The following CCDC171 variants were observed in gnomAD, a reference collection of about 807,000 sequenced individuals.
The protein encoded by CCDC171 is coiled-coil domain containing 171, also known as coiled-coil domain-containing protein 171.
A neutral mutation model predicts 168.2 loss-of-function variants in CCDC171; 177 were observed. That is an observed-to-expected ratio of 1.05 (90% CI 0.93 to 1.19). The LOEUF is 1.19. Ranked by LOEUF, CCDC171 falls within the 50% of genes most tolerant of loss-of-function variation. The pLI, the probability that CCDC171 is intolerant of heterozygous loss-of-function variation, is 0.00. For missense variants in CCDC171, 1,991 were observed against 1,539.0 expected (o/e 1.29, Z -4.91); for synonymous variants, 687 against 540.8 (o/e 1.27, Z -3.75).
intron 9 of CCDC171, among the ~76,000 whole-genome samples, chr9:15,670,664 T>C (rs1336219365): frequency 6.6e-6 from 1 of 152,200 alleles, no homozygotes; most frequent in Non-Finnish European, 1.5e-5. Flanking sequence ...CATAGAGTTA[T>C]ATTTTTGGGT....
At position 15,622,596 on chromosome 9, in the gene CCDC171, G is replaced by T. The variant is rs77127831; in HGVS notation, c.676-671G>T. On this transcript the variant is annotated intron_variant, in intron 6 of 25. Transcript: ENST00000380701. Reference sequence around the variant, plus strand: ...CAACAATGAATCTAGATTAGTTACTGTGGAGAATGCCTTTGATATTTGTGT... The same window carrying T: ...CAACAATGAATCTAGATTAGTTACTTTGGAGAATGCCTTTGATATTTGTGT... Among the ~76,000 whole-genome samples the T allele has an allele frequency of 1.4e-3, 213 of 152,296 alleles. 1 individual carries two copies. Among genetic ancestry groups the T allele is most frequent in the African/African-American group, 4.4e-3 (182 of 41,560 alleles).
intron 24 of CCDC171, among the ~76,000 whole-genome samples, chr9:15,901,451 GTA>G (rs1282298414): frequency 6.6e-6 from 1 of 152,180 alleles, no homozygotes; most frequent in Non-Finnish European, 1.5e-5. Flanking sequence ...GGCAGAGCAT[GTA>G]TGGGAACTCT....
chr9:15,975,921 C>T (rs1331841717), downstream of CCDC171, among the ~76,000 whole-genome samples: 3 of 151,994 alleles, frequency 2.0e-5, no homozygotes, highest in African/African-American at 7.3e-5. Context: ...TGGGTGTGCT[C>T]TAAATGCAAT....
intron 21 of CCDC171, among the ~76,000 whole-genome samples, chr9:15,794,339 C>T (rs150109338): frequency 0.013 from 1,905 of 152,112 alleles, 48 homozygotes; most frequent in African/African-American, 0.043. Context: ...TTGGTGGGCA[C>T]CTGCAATCCC....
intron 6 of CCDC171, among the ~76,000 whole-genome samples, chr9:15,618,820 C>G (rs2044289318): frequency 6.6e-6 from 1 of 151,966 alleles, no homozygotes; most frequent in Non-Finnish European, 1.5e-5. Flanking sequence ...CTTCTGCTTG[C>G]TCTCCGTGGG....
chr9:15,974,351 C>T (rs934255521), downstream of CCDC171, among the ~76,000 whole-genome samples: 5 of 152,162 alleles, frequency 3.3e-5, no homozygotes, highest in Admixed American at 6.5e-5. Flanking sequence ...CCAATTGCTG[C>T]ATATTTGAGA....
chr9:15,666,462 A>C lies in CCDC171; in HGVS notation c.1076+139A>C, dbSNP rs1341567312. On this transcript the variant is annotated intron_variant, in intron 9 of 25. Coordinates refer to ENST00000380701, the MANE Select transcript of CCDC171 (RefSeq NM_173550.4). ...AGACTGGGGCAAGTGACTTCATAAA[A>C]CATAACTATACTTTCCTGTATAGGT... 55 of 577,406 alleles carry C rather than the reference A, an allele frequency of 9.5e-5. No individual in the cohort carries two copies. In the Admixed American group the frequency reaches 1.7e-3, roughly 18 times the overall value. 35.8% of individuals were successfully genotyped at this position (577,406 alleles called of 1,614,324 possible). A position where few individuals can be genotyped will look rare whatever the true frequency, so the allele number is the denominator to read the frequency against.
At chr9:15,898,333 A>G (rs1821170539) in intron 24 of CCDC171, among the ~76,000 whole-genome samples, 1 of 152,140 alleles carries the variant, frequency 6.6e-6, no homozygotes, top group Non-Finnish European at 1.5e-5. Flanking sequence ...AATTGAGCTG[A>G]GTGCATATAC....
At chr9:15,647,339 G>T (rs1454054591) in intron 7 of CCDC171, among the ~76,000 whole-genome samples, 2 of 152,128 alleles carry the variant, frequency 1.3e-5, no homozygotes, top group Non-Finnish European at 2.9e-5. Context: ...ACAATTAAAA[G>T]AATTACAGAA....
At chr9:15,989,362 G>C (rs1832109194) in intron 3 of CCDC171, among the ~76,000 whole-genome samples, 1 of 152,156 alleles carries the variant, frequency 6.6e-6, no homozygotes, top group South Asian at 2.1e-4. Context: ...CTGCAGCTGA[G>C]GGTCCTGACT....
At chr9:15,600,846 T>C (rs2042790673) in intron 6 of CCDC171, among the ~76,000 whole-genome samples, 2 of 152,130 alleles carry the variant, frequency 1.3e-5, no homozygotes, top group East Asian at 1.9e-4. Context: ...CGGGCGTCCC[T>C]CCCCCAGCCT....
chr9:15,674,627 C>T (rs1177690515), intron 9 of CCDC171, among the ~76,000 whole-genome samples: 3 of 152,142 alleles, frequency 2.0e-5, no homozygotes, highest in Non-Finnish European at 4.4e-5. Context: ...ACTGAGTAGT[C>T]ATTTAGGAGC....
At chr9:16,010,929 G>A (rs1481343467) in intron 3 of CCDC171, among the ~76,000 whole-genome samples, 1 of 152,098 alleles carries the variant, frequency 6.6e-6, no homozygotes, top group African/African-American at 2.4e-5. Flanking sequence ...CTGTCATGTG[G>A]TAGAGCCTGA....
chr9:15,675,260 GT>G (rs1441809983), intron 9 of CCDC171, among the ~76,000 whole-genome samples: 1 of 119,592 alleles, frequency 8.4e-6, no homozygotes, highest in Non-Finnish European at 1.6e-5. Context: ...TTGAGCCTCT[GT>G]GTGTCTCTGC....
chr9:15,557,479 A>G (rs1016320786), intron 1 of CCDC171, among the ~76,000 whole-genome samples: 4 of 152,076 alleles, frequency 2.6e-5, no homozygotes. Context: ...TTGGATTCCT[A>G]GGTATTTTAC....
At chr9:16,103,839 G>C in the CCDC171 span, among the ~76,000 whole-genome samples, 3 of 152,220 alleles carry the variant, frequency 2.0e-5, no homozygotes, top group Admixed American at 1.3e-4. Context: ...ACTCCGGGGG[G>C]GCTGGGGGAG....
chr9:15,707,615 A>G (rs1337741013), intron 11 of CCDC171, among the ~76,000 whole-genome samples: 1 of 152,084 alleles, frequency 6.6e-6, no homozygotes, highest in Non-Finnish European at 1.5e-5. Flanking sequence ...TTATATCTCA[A>G]CTTCATAGAC....
chr9:15,631,930 T>C (rs1335504181), intron 7 of CCDC171, among the ~76,000 whole-genome samples: 3 of 152,192 alleles, frequency 2.0e-5, no homozygotes, highest in South Asian at 2.1e-4. Flanking sequence ...CACATGATTA[T>C]CTCAATAGAT....
intron 3 of CCDC171, among the ~76,000 whole-genome samples, chr9:15,985,933 G>A (rs1831971381): frequency 6.6e-6 from 1 of 152,184 alleles, no homozygotes; most frequent in Non-Finnish European, 1.5e-5. Context: ...AATCAATGGA[G>A]AATTTGCAGG....
Sources: gnomAD v4.1 joint callset for allele counts (sites outside exome capture counted in the v4.1 genomes callset) on GRCh38, gnomAD v4.1.1 for gene constraint, MANE v1.5 for transcripts, NCBI Gene and HGNC (gene_info 2026-07-23, HGNC 2026-07-21) for gene names.